The following CDKL2 variants were observed in gnomAD, a reference collection of about 807,000 sequenced individuals.
The protein encoded by CDKL2 is cyclin-dependent kinase-like 2.
A neutral mutation model predicts 63.9 loss-of-function variants in CDKL2; 64 were observed. That is an observed-to-expected ratio of 1.00 (90% CI 0.82 to 1.23). CDKL2 has a LOEUF of 1.23. Ranked by LOEUF, CDKL2 falls within the 50% of genes most tolerant of loss-of-function variation. CDKL2 has a pLI of 0.00. For missense variants in CDKL2, 656 were observed against 668.0 expected, an observed-to-expected ratio of 0.98 and a Z score of 0.20; for synonymous variants, 211 against 229.2, an observed-to-expected ratio of 0.92 and a Z score of 0.72.
chr4:75,616,257 T>G (rs1729920854), intron 2 of CDKL2, among the ~76,000 whole-genome samples: 1 of 151,904 alleles, frequency 6.6e-6, no homozygotes, highest in Non-Finnish European at 1.5e-5. Flanking sequence ...TAAGCTATGA[T>G]CATGCCACTG....
chr4:75,614,944 C>CAT (rs934516369), intron 2 of CDKL2, among the ~76,000 whole-genome samples: 56 of 146,944 alleles, frequency 3.8e-4, no homozygotes, highest in South Asian at 8.6e-4. Flanking sequence ...TATGTATATT[C>CAT]ATATATATAT....
At chr4:75,616,450 G>A (rs1169386981) in intron 2 of CDKL2, among the ~76,000 whole-genome samples, 1 of 152,016 alleles carries the variant, frequency 6.6e-6, no homozygotes, top group East Asian at 1.9e-4. Flanking sequence ...ATCACCTGAG[G>A]TCAGGAGTTC....
chr4:75,607,886 C>A (rs561822033), intron 3 of CDKL2, among the ~76,000 whole-genome samples: 4 of 152,162 alleles, frequency 2.6e-5, no homozygotes, highest in Non-Finnish European at 5.9e-5. Flanking sequence ...GATCTCGGCT[C>A]ACTGCAAGCT....
chr4:75,625,717 T>A, intron 2 of CDKL2, 104 bp downstream of exon 2: 1 of 766,776 alleles, frequency 1.3e-6, no homozygotes, highest in Non-Finnish European at 2.1e-6. Context: ...AGGTTTACAT[T>A]CACCAGATAA....
rs1728742609 is a variant in CDKL2 at position 75,592,158 on chromosome 4, G to C, written c.1528C>G (p.Leu510Val). Residue 510 changes from leucine to valine, a missense_variant, in exon 11 of 14, where the codon CTG (leucine) becomes GTG (valine). Physicochemically the swap from Leu to Val is conservative, Grantham distance 32 (BLOSUM62 1). Coordinates refer to ENST00000307465, the MANE Select transcript of CDKL2 (RefSeq NM_001330724.2). The stretch of plus-strand genomic sequence containing the variant: ...ATTATCAACACACCTATGCCTCCCA[G>C]TGCTCTTAGTTCAGGGAGATGATTA... The part of the protein sequence containing the change: ...NYNHLPELRA[L>V]GGIARNSRLT... 1.3e-6 allele frequency: 2 copies of C among 1,533,724 alleles called. No individual in the cohort carries two copies. Among genetic ancestry groups the C allele is most frequent in the African/African-American group, 1.4e-5 (1 of 72,886 alleles).
At chr4:75,605,680 T>G (rs373774973) in intron 4 of CDKL2, 46 bp from the exon 5 acceptor site, 203 of 1,259,204 alleles carry the variant, frequency 1.6e-4, no homozygotes, top group Non-Finnish European at 2.2e-4. Context: ...CCTAATATGC[T>G]CCAAAACCCA....
chr4:75,579,294 T>C (rs185817309), intron 13 of CDKL2, 116 bp from the exon 14 acceptor site: 2 of 152,380 alleles, frequency 1.3e-5, no homozygotes, highest in Admixed American at 1.3e-4. Flanking sequence ...GTGGGTACTA[T>C]GTAGTTTAAG....
intron 5 of CDKL2, among the ~76,000 whole-genome samples, chr4:75,604,215 G>A (rs1465264979): frequency 6.6e-6 from 1 of 152,178 alleles, no homozygotes; most frequent in Non-Finnish European, 1.5e-5. Context: ...TAACTAGAAA[G>A]CATAAAGTGC....
At chr4:75,609,977 G>T (rs940217837) in intron 3 of CDKL2, among the ~76,000 whole-genome samples, 2 of 151,960 alleles carry the variant, frequency 1.3e-5, no homozygotes, top group East Asian at 3.9e-4. Context: ...ACCGAGGCGG[G>T]TGGATCACGA....
chr4:75,596,448 G>A (rs931647510), intron 9 of CDKL2, 108 bp from the exon 10 acceptor site: 2 of 678,914 alleles, frequency 2.9e-6, no homozygotes, highest in Admixed American at 2.3e-5. Context: ...TAACCAGAGT[G>A]TAATGTCTAT....
intron 1 of CDKL2, among the ~76,000 whole-genome samples, chr4:75,628,406 C>T (rs1421374354): frequency 6.6e-6 from 1 of 152,168 alleles, no homozygotes; most frequent in Non-Finnish European, 1.5e-5. Context: ...TGAGCCACCG[C>T]GCCCGGCCTT....
At chr4:75,603,501 C>G (rs1251451936) in intron 6 of CDKL2, among the ~76,000 whole-genome samples, 1 of 149,992 alleles carries the variant, frequency 6.7e-6, no homozygotes, top group Non-Finnish European at 1.5e-5. Context: ...GAGGCCGAGG[C>G]GGGCGGATCA....
chr4:75,625,948 C>A lies in CDKL2; in HGVS notation c.41G>T (p.Ser14Ile), dbSNP rs748991973. 12 of 1,611,486 alleles carry A rather than the reference C, an allele frequency of 7.4e-6. 1 individual carries two copies. In the South Asian group the frequency reaches 1.3e-4, roughly 18 times the overall value. The change falls in exon 2 of 14, where the codon AGT (serine) becomes ATT (isoleucine). Residue 14 changes from serine to isoleucine, a missense_variant. Physicochemically the swap from Ser to Ile is moderately radical, Grantham distance 142. Coordinates refer to ENST00000307465, the MANE Select transcript of CDKL2 (RefSeq NM_001330724.2). ...CCTACACTTCATCACCATTCCATAACTCCCTTCTCCAACCAAACCCAGGTT... is the reference window on the plus strand; with the variant it reads ...CCTACACTTCATCACCATTCCATAAATCCCTTCTCCAACCAAACCCAGGTT... Reference protein sequence around the residue: ...YENLGLVGEGSYGMVMKCRNK... With the variant: ...YENLGLVGEGIYGMVMKCRNK...
At chr4:75,600,843 C>G (rs1729161019) in intron 6 of CDKL2, among the ~76,000 whole-genome samples, 1 of 152,126 alleles carries the variant, frequency 6.6e-6, no homozygotes. Context: ...GCTAGTATCA[C>G]AAAAAGACCA....
chr4:75,581,711 C>G, intron 13 of CDKL2, 99 bp downstream of exon 13: 1 of 600,682 alleles, frequency 1.7e-6, no homozygotes, highest in Non-Finnish European at 3.0e-6. Context: ...TGGAATCAAT[C>G]ACTGGAGACG....
chr4:75,588,372 T>G (rs560701310), intron 12 of CDKL2, among the ~76,000 whole-genome samples: 34 of 152,308 alleles, frequency 2.2e-4, no homozygotes, highest in East Asian at 2.1e-3. Context: ...CAACTTGTTT[T>G]ATGAAGCTAA....
chr4:75,615,917 C>A (rs557854984), intron 2 of CDKL2, among the ~76,000 whole-genome samples: 7 of 152,102 alleles, frequency 4.6e-5, no homozygotes, highest in African/African-American at 2.4e-5. Context: ...CTTAAGCCCA[C>A]GAGTTGGAGG....
At chr4:75,628,108 G>A (rs1419395680) in intron 1 of CDKL2, among the ~76,000 whole-genome samples, 1 of 150,304 alleles carries the variant, frequency 6.7e-6, no homozygotes, top group Non-Finnish European at 1.5e-5. Flanking sequence ...ATTTGAATTT[G>A]TGTTTGAAAT....
chr4:75,581,788 A>C, intron 13 of CDKL2, 22 bp downstream of exon 13: 1 of 1,360,886 alleles, frequency 7.3e-7, no homozygotes, highest in Non-Finnish European at 1.0e-6. Flanking sequence ...GCACAGCTTT[A>C]AGTATGGGAA....
Sources: gnomAD v4.1 joint callset for allele counts (sites outside exome capture counted in the v4.1 genomes callset) on GRCh38, gnomAD v4.1.1 for gene constraint, MANE v1.5 for transcripts, NCBI Gene and HGNC (gene_info 2026-07-23, HGNC 2026-07-21) for gene names.